Variants in MDN1 observed in about 807,000 individuals in gnomAD.
MDN1 encodes midasin AAA ATPase 1.
A neutral mutation model predicts 669.2 loss-of-function variants in MDN1; 266 were observed. The ratio of observed to expected loss-of-function variants is 0.40; its 90% confidence interval spans 0.36 to 0.44. The LOEUF is 0.44. Ranked by LOEUF, MDN1 falls within the 20% of genes least tolerant of loss-of-function variation. The pLI, the probability that MDN1 is intolerant of heterozygous loss-of-function variation, is 1.00. For synonymous variants in MDN1, 2,385 were observed against 2,457.1 expected (o/e 0.97, Z 0.87); for missense variants, 5,940 against 6,754.0 (o/e 0.88, Z 4.22).
rs200433799 is a variant in MDN1, at chr6:89,713,132, C to G, written c.7218+16G>C. The G allele has an allele frequency of 1.5e-5, 24 of 1,601,206 alleles. No homozygotes were observed. The highest frequency in any genetic ancestry group is 2.0e-5 in the Non-Finnish European group (24 of 1,175,822). On this transcript the variant is annotated intron_variant, in intron 47 of 101. Transcript: ENST00000369393. ...GGTATTACAACTTAGAAACATTCTG[C>G]AATACTTCATAGTACCTTCCGGTTT... is the stretch of plus-strand genomic sequence containing the variant.
Position 89,683,144 on chromosome 6 carries a change from T to A in MDN1, c.12090A>T (p.Pro4030=). 1 of 1,614,136 alleles carries A rather than the reference T, an allele frequency of 6.2e-7. No homozygotes were observed. The highest frequency in any genetic ancestry group is 8.5e-7 in the Non-Finnish European group (1 of 1,180,010). Residue 4030 remains proline, a synonymous_variant, in exon 73 of 102, where the codon CCA becomes CCT. Transcript: ENST00000369393. ...RALRETLLAQ[P]AAGQATIPEW... The stretch of plus-strand genomic sequence containing the variant: ...CACAACCAAGTACCTGCCCAGCTGC[T>A]GGTTGGGCTAACAGGGTCTCCCTCA...
At chr6:89,784,748 T>G (rs943462532) in intron 9 of MDN1, among the ~76,000 whole-genome samples, 5 of 149,774 alleles carry the variant, frequency 3.3e-5, no homozygotes, top group Non-Finnish European at 7.5e-5. Flanking sequence ...ACTGAGGAAT[T>G]ACTGTTCATT....
At chr6:89,772,248 C>T (rs1232201696) in intron 14 of MDN1, among the ~76,000 whole-genome samples, 3 of 152,066 alleles carry the variant, frequency 2.0e-5, no homozygotes, top group Admixed American at 6.5e-5. Context: ...CACTGCACTC[C>T]AGCCTCAGCA....
rs1816943283 is a variant in MDN1 at position 89,751,414 on chromosome 6, G to GA, written c.3227+16dup. The GA allele has an allele frequency of 6.2e-7, 1 of 1,613,832 alleles. No homozygotes were observed. Among genetic ancestry groups the GA allele is most frequent in the African/African-American group, 1.3e-5 (1 of 74,910 alleles). On this transcript the variant is annotated intron_variant, in intron 23 of 101. Transcript: ENST00000369393. ...GCCTGTATCAAGTTCGGGGCAGCGAGAAAAAAGCCCACACACCCTGCAGAG... is the reference window on the plus strand; with the variant it reads ...GCCTGTATCAAGTTCGGGGCAGCGAGAAAAAAAGCCCACACACCCTGCAGAG...
At chr6:89,805,765 T>C (rs1357413865) in intron 1 of MDN1, among the ~76,000 whole-genome samples, 2 of 152,134 alleles carry the variant, frequency 1.3e-5, no homozygotes, top group Non-Finnish European at 2.9e-5. Flanking sequence ...TAGGGAAAAA[T>C]GTTACCTTGA....
intron 37 of MDN1, among the ~76,000 whole-genome samples, chr6:89,725,740 CTT>C (rs11371433): frequency 6.6e-5 from 9 of 137,208 alleles, no homozygotes; most frequent in East Asian, 2.2e-4. Context: ...CCAGCTAATT[CTT>C]TTTTTTTTTT....
intron 31 of MDN1, among the ~76,000 whole-genome samples, chr6:89,742,141 A>C (rs1328301506): frequency 6.6e-6 from 1 of 151,640 alleles, no homozygotes; most frequent in Non-Finnish European, 1.5e-5. Flanking sequence ...GGACGGGTGC[A>C]GTGGCTCACA....
chr6:89,754,276 TC>T, intron 20 of MDN1, 46 bp from the exon 21 acceptor site: 1 of 1,573,326 alleles, frequency 6.4e-7, no homozygotes, highest in African/African-American at 1.4e-5. Context: ...CTAATAAGTA[TC>T]CAGTATTATC....
At chr6:89,688,232 G>C (rs1812152066) in intron 66 of MDN1, 59 bp from the exon 67 acceptor site, 2 of 1,457,018 alleles carry the variant, frequency 1.4e-6, no homozygotes, top group Admixed American at 3.4e-5. Flanking sequence ...AAGTCACAGG[G>C]TACTGAAGAG....
At position 89,696,591 on chromosome 6, in the gene MDN1, G is replaced by A. The variant is rs566305201; in HGVS notation, c.9169-17C>T. On this transcript the variant is annotated splice_polypyrimidine_tract_variant and intron_variant, in intron 59 of 101. Coordinates refer to ENST00000369393, the MANE Select transcript of MDN1 (RefSeq NM_014611.3). Reference sequence around the variant, plus strand: ...GCCGGGGCCCTAAAGGACAAGAGAAGAGTCAATAACTTTTAGAAATTAAGA... The same window carrying A: ...GCCGGGGCCCTAAAGGACAAGAGAAAAGTCAATAACTTTTAGAAATTAAGA... 1.3e-6 allele frequency: 2 copies of A among 1,589,810 alleles called. No individual in the cohort carries two copies. Among genetic ancestry groups the A allele is most frequent in the East Asian group, 2.2e-5 (1 of 44,788 alleles).
chr6:89,712,296 A>T (rs751290219), intron 48 of MDN1, 40 bp from the exon 49 acceptor site: 2 of 1,509,544 alleles, frequency 1.3e-6, no homozygotes, highest in Non-Finnish European at 1.8e-6. Flanking sequence ...TACTAGAATA[A>T]CCTTTTATTT....
intron 2 of MDN1, among the ~76,000 whole-genome samples, chr6:89,799,401 T>C (rs1562232743): frequency 6.6e-6 from 1 of 152,258 alleles, no homozygotes; most frequent in African/African-American, 2.4e-5. Context: ...ATAGTAAAGT[T>C]GGGCCGGGCG....
At chr6:89,747,256 G>A in intron 27 of MDN1, 73 bp downstream of exon 27, 1 of 1,532,468 alleles carries the variant, frequency 6.5e-7, no homozygotes. Flanking sequence ...ACAATTTGAG[G>A]CAAGATTTGT....
At chr6:89,734,460 C>A (rs185370344) in intron 33 of MDN1, among the ~76,000 whole-genome samples, 1 of 152,056 alleles carries the variant, frequency 6.6e-6, no homozygotes, top group African/African-American at 2.4e-5. Context: ...TCAGACCAGC[C>A]TGGCCAATAT....
chr6:89,672,116 T>A (rs970995012), intron 82 of MDN1, 84 bp downstream of exon 82: 5 of 1,400,562 alleles, frequency 3.6e-6, no homozygotes, highest in Non-Finnish European at 4.7e-6. Flanking sequence ...CTGGCACTTA[T>A]CTACGTGGAG....
intron 97 of MDN1, 109 bp from the exon 98 acceptor site, chr6:89,648,438 C>G (rs1808625566): frequency 1.0e-6 from 1 of 999,568 alleles, no homozygotes; most frequent in Non-Finnish European, 1.5e-6. Context: ...TTTTGTTTGG[C>G]AAGTAGAGGA....
intron 97 of MDN1, among the ~76,000 whole-genome samples, chr6:89,648,593 C>T (rs1035055090): frequency 2.6e-5 from 4 of 151,922 alleles, no homozygotes; most frequent in Middle Eastern, 3.4e-3. Flanking sequence ...GAGGGCCAGG[C>T]GTGGTAGCTC....
intron 92 of MDN1, among the ~76,000 whole-genome samples, chr6:89,654,898 A>C (rs572299830): frequency 2.6e-5 from 4 of 152,280 alleles, no homozygotes; most frequent in South Asian, 2.1e-4. Flanking sequence ...GTAGTAGAAA[A>C]CAAGGCACAG....
chr6:89,747,594 A>T, intron 26 of MDN1, 124 bp from the exon 27 acceptor site: 1 of 1,176,380 alleles, frequency 8.5e-7, no homozygotes, highest in South Asian at 1.6e-5. Context: ...ATTCCACTGA[A>T]TAAGATTAAT....
Sources: gnomAD v4.1 joint callset for allele counts (sites outside exome capture counted in the v4.1 genomes callset) on GRCh38, gnomAD v4.1.1 for gene constraint, MANE v1.5 for transcripts, NCBI Gene and HGNC (gene_info 2026-07-23, HGNC 2026-07-21) for gene names.